Variants in HUWE1 observed in about 807,000 individuals in gnomAD.
The protein encoded by HUWE1 is E3 ubiquitin-protein ligase HUWE1.
HUWE1 carries 18 observed loss-of-function variants against 299.4 expected under a neutral mutation model. That is an observed-to-expected ratio of 0.06 (90% CI 0.04 to 0.09). The LOEUF (loss-of-function observed/expected upper bound fraction) is 0.09, where lower values mean the gene tolerates loss of function less well. Ranked by LOEUF, HUWE1 falls within the 10% of genes least tolerant of loss-of-function variation. HUWE1 has a pLI of 1.00. For synonymous variants in HUWE1, 1,317 were observed against 1,286.1 expected (o/e 1.02, Z -0.51); for missense variants, 1,832 against 3,462.3 (o/e 0.53, Z 11.82).
intron 7 of HUWE1, among the ~76,000 whole-genome samples, chrX:53,643,643 C>T (rs1380389384): frequency 3.6e-5 from 4 of 111,423 alleles, no homozygotes; most frequent in Non-Finnish European, 7.5e-5. Flanking sequence ...TGAGCCACCA[C>T]GCCTGGCCTC....
At chrX:53,609,704 T>C (rs995253005) in intron 23 of HUWE1, among the ~76,000 whole-genome samples, 9 of 111,837 alleles carry the variant, frequency 8.0e-5, no homozygotes, top group Non-Finnish European at 1.5e-4. Flanking sequence ...AAGGAACAAA[T>C]ACTTTAGAAA....
At chrX:53,578,883 G>A (rs2063404425) in intron 43 of HUWE1, among the ~76,000 whole-genome samples, 3 of 76,817 alleles carry the variant, frequency 3.9e-5, no homozygotes, top group Admixed American at 2.5e-4. Flanking sequence ...CCGGCCAGCC[G>A]CCCCGTCCGG....
intron 81 of HUWE1, 129 bp from the exon 82 acceptor site, chrX:53,534,826 A>G (rs1569393579): frequency 5.3e-6 from 3 of 560,943 alleles, no homozygotes; most frequent in Non-Finnish European, 8.6e-6. Flanking sequence ...CAACTGGTTA[A>G]TTCTGCCCAG....
At position 53,559,159 on chromosome X, in the gene HUWE1, G is replaced by A. The variant is rs782306936; in HGVS notation, c.7916-99C>T. On this transcript the variant is annotated intron_variant, in intron 57 of 83. Coordinates refer to ENST00000262854, the MANE Select transcript of HUWE1 (RefSeq NM_031407.7). ...CAGTATTTCCCTAAAAGGACCCAAG[G>A]TCTATCACAATGTTTAGAACATAAC... 8.1e-5 allele frequency: 64 copies of A among 786,935 alleles called. No individual in the cohort carries two copies. The South Asian group carries it at 1.4e-3, about 18-fold the overall frequency. 64.9% of individuals were successfully genotyped at this position (786,935 alleles called of 1,213,427 possible). A position where few individuals can be genotyped will look rare whatever the true frequency, so the allele number is the denominator to read the frequency against.
intron 42 of HUWE1, among the ~76,000 whole-genome samples, chrX:53,582,786 A>G (rs2148283620): frequency 9.1e-6 from 1 of 109,349 alleles, no homozygotes; most frequent in East Asian, 2.9e-4. Context: ...TTTGAGACAG[A>G]GTCTCGCTCT....
intron 2 of HUWE1, chrX:53,683,948 A>G: frequency 6.9e-6 from 2 of 290,240 alleles, no homozygotes; most frequent in Non-Finnish European, 1.2e-5. Context: ...GAACGGCACG[A>G]GCCGAAGACC....
At chrX:53,584,932 T>C in intron 40 of HUWE1, 80 bp downstream of exon 40, 1 of 1,049,403 alleles carries the variant, frequency 9.5e-7, no homozygotes, top group Non-Finnish European at 1.3e-6. Context: ...TGTGTGGTGT[T>C]GGGCTGCATT....
intron 23 of HUWE1, among the ~76,000 whole-genome samples, chrX:53,612,098 T>G (rs944647301): frequency 9.0e-6 from 1 of 111,571 alleles, no homozygotes; most frequent in East Asian, 2.8e-4. Context: ...TTGCCTGGGA[T>G]AGAAGATAAA....
At chrX:53,633,697 T>C (rs1329745554) in intron 8 of HUWE1, among the ~76,000 whole-genome samples, 6 of 112,530 alleles carry the variant, frequency 5.3e-5, no homozygotes, top group African/African-American at 1.6e-4. Flanking sequence ...GAAAATCAAA[T>C]TGTGTTTTGT....
chrX:53,622,055 C>T (rs1203429415), intron 19 of HUWE1, among the ~76,000 whole-genome samples: 1 of 112,007 alleles, frequency 8.9e-6, no homozygotes, highest in African/African-American at 3.3e-5. Flanking sequence ...AGGTCGGACA[C>T]GTGAGGGAGA....
At chrX:53,561,436 C>T (rs2062286991) in intron 55 of HUWE1, among the ~76,000 whole-genome samples, 1 of 112,928 alleles carries the variant, frequency 8.9e-6, no homozygotes, top group Admixed American at 9.3e-5. Context: ...TGCCCTGCCA[C>T]TGTGGTGTGC....
At chrX:53,634,133 A>T (rs2067049995) in intron 8 of HUWE1, 103 bp downstream of exon 8, 1 of 643,271 alleles carries the variant, frequency 1.6e-6, no homozygotes, top group South Asian at 2.2e-5. Flanking sequence ...AAAGGTCTCG[A>T]TGTGAAGGCG....
chrX:53,564,399 C>T (rs1357415461), intron 51 of HUWE1, among the ~76,000 whole-genome samples, 175 bp downstream of exon 51: 4 of 111,529 alleles, frequency 3.6e-5, no homozygotes, highest in Non-Finnish European at 5.6e-5. Context: ...CCCCACCCCT[C>T]TTTTAATACA....
At position 53,627,874 on chromosome X, in the gene HUWE1, T is replaced by C. The variant is rs1557019361; in HGVS notation, c.1248A>G (p.Ile416Met). The change falls in exon 16 of 84, where the codon ATA becomes ATG. Residue 416 changes from isoleucine to methionine, a missense_variant. Physicochemically the swap from Ile to Met is conservative, Grantham distance 10. This residue lies in a region of HUWE1 where 658 missense variants were observed against 1,282.6 expected (regional missense o/e 0.51). Coordinates refer to ENST00000262854, the MANE Select transcript of HUWE1 (RefSeq NM_031407.7). ...GGTCCTGTTCATCGCCAAGAAACTTTATGACCTATCACGGAGAAAAAGAGG... is the reference window on the plus strand; with the variant it reads ...GGTCCTGTTCATCGCCAAGAAACTTCATGACCTATCACGGAGAAAAAGAGG... ...CGMMEALLKV[I>M]KFLGDEQDQI... The C allele has an allele frequency of 8.3e-7, 1 of 1,209,479 alleles. No homozygotes were observed. The highest frequency in any genetic ancestry group is 1.1e-6 in the Non-Finnish European group (1 of 893,505).
intron 72 of HUWE1, 67 bp downstream of exon 72, chrX:53,544,493 C>T: frequency 3.4e-6 from 3 of 888,066 alleles, no homozygotes; most frequent in Non-Finnish European, 4.9e-6. Flanking sequence ...TTAAGTCCTG[C>T]ACCTCCAAGG....
At chrX:53,534,718 C>G (rs782544003) in intron 81 of HUWE1, 21 bp from the exon 82 acceptor site, 33 of 1,196,201 alleles carry the variant, frequency 2.8e-5, no homozygotes, top group Non-Finnish European at 3.7e-5. Flanking sequence ...AACCAAAAAG[C>G]CAAATGACTT....
intron 3 of HUWE1, among the ~76,000 whole-genome samples, chrX:53,669,997 A>T (rs782294529): frequency 3.9e-4 from 44 of 112,471 alleles, no homozygotes; most frequent in African/African-American, 1.4e-3. Flanking sequence ...AGATGGACTT[A>T]GAAAGCAGCC....
At chrX:53,678,370 G>C (rs2069941777) in intron 3 of HUWE1, among the ~76,000 whole-genome samples, 1 of 111,612 alleles carries the variant, frequency 9.0e-6, no homozygotes, top group African/African-American at 3.3e-5. Flanking sequence ...TAAAAGTTGA[G>C]TTATTCCTGA....
At chrX:53,539,209 G>T in intron 75 of HUWE1, 129 bp from the exon 76 acceptor site, 1 of 744,799 alleles carries the variant, frequency 1.3e-6, no homozygotes. Flanking sequence ...GGCTAGGTGT[G>T]GTGGCTCACA....
Sources: allele counts gnomAD v4.1 joint callset (sites outside exome capture counted in the v4.1 genomes callset), GRCh38; gene constraint gnomAD v4.1.1; regional missense constraint gnomAD v4.1.1; transcripts MANE v1.5; gene names NCBI Gene and HGNC (gene_info 2026-07-23, HGNC 2026-07-21).